MCPH1: variants seen among roughly 807,000 people sequenced by gnomAD.
MCPH1 encodes the protein microcephalin.
In MCPH1, 104 loss-of-function variants were observed where a neutral mutation model predicts 84.5. The observed-to-expected ratio is 1.23, with a 90% CI of 1.05 to 1.45. The LOEUF (loss-of-function observed/expected upper bound fraction) is 1.45. Ranked by LOEUF, MCPH1 falls within the 40% of genes most tolerant of loss-of-function variation. MCPH1 has a pLI of 0.00. For synonymous variants in MCPH1, 514 were observed against 366.8 expected, an observed-to-expected ratio of 1.40 and a Z score of -4.58; for missense variants, 1,498 against 1,005.7, an observed-to-expected ratio of 1.49 and a Z score of -6.62.
chr8:6,599,317 C>G (rs73509298), intron 12 of MCPH1, among the ~76,000 whole-genome samples: 3 of 152,150 alleles, frequency 2.0e-5, no homozygotes, highest in Non-Finnish European at 4.4e-5. Context: ...CTCAGGCTTA[C>G]TTGAAGCCAT....
intron 12 of MCPH1, among the ~76,000 whole-genome samples, chr8:6,553,405 A>G (rs1007134166): frequency 3.9e-5 from 6 of 152,220 alleles, no homozygotes; most frequent in African/African-American, 1.4e-4. Flanking sequence ...ATGGTTACAT[A>G]GTTAAAAGTA....
At chr8:6,429,934 A>C (rs1032981620) in intron 3 of MCPH1, among the ~76,000 whole-genome samples, 1 of 152,192 alleles carries the variant, frequency 6.6e-6, no homozygotes, top group South Asian at 2.1e-4. Context: ...CAACCCTTGG[A>C]ATCACATGAA....
intron 12 of MCPH1, chr8:6,502,798 T>C: frequency 2.6e-6 from 1 of 378,514 alleles, no homozygotes; most frequent in Non-Finnish European, 4.8e-6. Flanking sequence ...CACATAACAT[T>C]CTTGGTTGTG....
At chr8:6,455,300 A>G in intron 9 of MCPH1, 48 bp downstream of exon 9, 2 of 1,274,584 alleles carry the variant, frequency 1.6e-6, no homozygotes, top group Non-Finnish European at 1.1e-6. Flanking sequence ...CTGATACATC[A>G]TAATGTTCTT....
chr8:6,527,899 A>ATT (rs71213313), intron 12 of MCPH1, among the ~76,000 whole-genome samples: 6,021 of 133,102 alleles, frequency 0.045, 403 homozygotes, highest in African/African-American at 0.13. Flanking sequence ...CCACGTCTCT[A>ATT]TTTTTTTTTT....
At chr8:6,476,835 T>A (rs1227997384) in intron 9 of MCPH1, among the ~76,000 whole-genome samples, 1 of 152,238 alleles carries the variant, frequency 6.6e-6, no homozygotes, top group Non-Finnish European at 1.5e-5. Context: ...TAATGTGAAT[T>A]CATTTTTGTT....
intron 9 of MCPH1, among the ~76,000 whole-genome samples, chr8:6,464,823 C>T (rs1038303014): frequency 6.6e-6 from 1 of 152,136 alleles, no homozygotes; most frequent in African/African-American, 2.4e-5. Flanking sequence ...CATGGGAAAA[C>T]CCTGTGTCTA....
chr8:6,504,326 A>AAAT (rs1812830402), intron 12 of MCPH1, among the ~76,000 whole-genome samples: 1 of 151,362 alleles, frequency 6.6e-6, no homozygotes, highest in African/African-American at 2.4e-5. Flanking sequence ...TCAAAAAAAA[A>AAAT]AAAAAAAAAA....
intron 12 of MCPH1, among the ~76,000 whole-genome samples, chr8:6,510,158 C>CTTTTTT (rs11395431): frequency 6.8e-6 from 1 of 146,604 alleles, no homozygotes. Flanking sequence ...GTTGTTTTTT[C>CTTTTTT]TTTTTTTTTT....
rs936859018 is a variant in MCPH1 at position 6,494,951 on chromosome 8, C to T, written c.2137-4901C>T. Among the ~76,000 whole-genome samples, 3 of 152,106 alleles carry T rather than the reference C, an allele frequency of 2.0e-5. No individual in the cohort carries two copies. The East Asian group carries it at 5.8e-4, about 29-fold the overall frequency. On this transcript the variant is annotated intron_variant, in intron 11 of 13. Coordinates refer to ENST00000344683, the MANE Select transcript of MCPH1 (RefSeq NM_024596.5). The stretch of plus-strand genomic sequence containing the variant: ...TATATGGAAAATAGCTTTAAGGCAC[C>T]ACTACAACTACTAAATAGGTTTGTA...
Position 6,530,854 on chromosome 8 carries a change from G to A in MCPH1, c.2214+30925G>A, listed in dbSNP as rs185721435. Among the ~76,000 whole-genome samples the A allele has an allele frequency of 1.8e-3, 269 of 152,292 alleles. 2 individuals are homozygous for A. The highest frequency in any genetic ancestry group is 1.7e-3 in the Non-Finnish European group (114 of 68,026). ...ATGAAAGAACAGCTGTGTCCTTCTAGAATGAGTCTTACGAGAGTGGCAGGG... is the reference window on the plus strand; with the variant it reads ...ATGAAAGAACAGCTGTGTCCTTCTAAAATGAGTCTTACGAGAGTGGCAGGG... On this transcript the variant is annotated intron_variant, in intron 12 of 13. Coordinates refer to ENST00000344683, the MANE Select transcript of MCPH1 (RefSeq NM_024596.5).
intron 12 of MCPH1, among the ~76,000 whole-genome samples, chr8:6,561,226 C>G (rs920589326): frequency 1.3e-5 from 2 of 152,298 alleles, no homozygotes; most frequent in East Asian, 3.9e-4. Flanking sequence ...GGGAAACTTA[C>G]TGGAGCGCTT....
chr8:6,624,660 C>A (rs1297141641), intron 13 of MCPH1, among the ~76,000 whole-genome samples: 5 of 152,092 alleles, frequency 3.3e-5, no homozygotes. Context: ...TAAACATTAT[C>A]CTTTAATAGA....
intron 3 of MCPH1, among the ~76,000 whole-genome samples, chr8:6,426,932 G>T (rs571185973): frequency 6.6e-6 from 1 of 152,210 alleles, no homozygotes; most frequent in African/African-American, 2.4e-5. Context: ...GGTATTGCTT[G>T]ACGACAGGGA....
At chr8:6,450,153 C>T (rs979178353) in intron 8 of MCPH1, among the ~76,000 whole-genome samples, 1 of 152,112 alleles carries the variant, frequency 6.6e-6, no homozygotes, top group Non-Finnish European at 1.5e-5. Context: ...TCTTGTTCAT[C>T]GATAATAGTC....
intron 12 of MCPH1, among the ~76,000 whole-genome samples, chr8:6,532,049 T>C (rs576683591): frequency 6.6e-6 from 1 of 152,074 alleles, no homozygotes; most frequent in South Asian, 2.1e-4. Flanking sequence ...ACAGAGGGGG[T>C]ATTCATCTTG....
chr8:6,473,738 C>T (rs1808069235), intron 9 of MCPH1: 1 of 558,722 alleles, frequency 1.8e-6, no homozygotes, highest in African/African-American at 1.9e-5. Context: ...CCTGCTGGTC[C>T]TGCAACATGA....
chr8:6,543,179 T>A (rs1821918751), intron 12 of MCPH1, among the ~76,000 whole-genome samples: 1 of 152,006 alleles, frequency 6.6e-6, no homozygotes, highest in African/African-American at 2.4e-5. Context: ...AGAATTCCAA[T>A]GGATAGAATT....
intron 12 of MCPH1, among the ~76,000 whole-genome samples, chr8:6,619,728 G>T (rs1453955546): frequency 6.6e-6 from 1 of 152,116 alleles, no homozygotes; most frequent in Non-Finnish European, 1.5e-5. Flanking sequence ...GGGACTACAG[G>T]TGCCCACCAC....
Sources: allele counts gnomAD v4.1 joint callset (sites outside exome capture counted in the v4.1 genomes callset), GRCh38; gene constraint gnomAD v4.1.1; transcripts MANE v1.5; gene names NCBI Gene and HGNC (gene_info 2026-07-23, HGNC 2026-07-21).